PLAT: variants seen among roughly 807,000 people sequenced by gnomAD.
PLAT encodes tissue-type plasminogen activator.
Under a neutral mutation model 74.9 loss-of-function variants are expected in PLAT, and 48 were observed. The observed-to-expected ratio is 0.64, with a 90% confidence interval of 0.51 to 0.82. The LOEUF is 0.82. Among genes scored for constraint, PLAT ranks in the 40% least tolerant of loss-of-function variants. The pLI, the probability that PLAT is intolerant of heterozygous loss-of-function variation, is 0.00. For missense variants in PLAT, 673 were observed against 736.2 expected, an observed-to-expected ratio of 0.91 and a Z score of 0.99; for synonymous variants, 307 against 294.4, an observed-to-expected ratio of 1.04 and a Z score of -0.44.
At chr8:42,205,459 G>A (rs1431185640) in intron 1 of PLAT, among the ~76,000 whole-genome samples, 6 of 152,184 alleles carry the variant, frequency 3.9e-5, no homozygotes, top group Admixed American at 2.0e-4. Flanking sequence ...CCTGGGAGGT[G>A]GAGGTTGCAG....
chr8:42,183,408 G>A (rs1346069725), intron 7 of PLAT, among the ~76,000 whole-genome samples: 1 of 152,154 alleles, frequency 6.6e-6, no homozygotes, highest in African/African-American at 2.4e-5. Context: ...GAGAGTCTGG[G>A]GACATCTTCA....
At chr8:42,200,574 G>T (rs1806089384) in intron 1 of PLAT, among the ~76,000 whole-genome samples, 1 of 151,568 alleles carries the variant, frequency 6.6e-6, no homozygotes, top group Non-Finnish European at 1.5e-5. Flanking sequence ...CTACTTGGGA[G>T]GCTGAGGTGG....
At chr8:42,200,351 C>T (rs1806079927) in intron 1 of PLAT, among the ~76,000 whole-genome samples, 1 of 151,752 alleles carries the variant, frequency 6.6e-6, no homozygotes, top group East Asian at 1.9e-4. Flanking sequence ...TCACCCTCGG[C>T]AACATAGGGA....
intron 12 of PLAT, 49 bp downstream of exon 12, chr8:42,179,877 C>G (rs752174090): frequency 2.7e-6 from 4 of 1,497,908 alleles, no homozygotes; most frequent in African/African-American, 1.4e-5. Context: ...ACCGCAGCCT[C>G]CCCTGCTGTC....
Position 42,187,466 on chromosome 8 carries a change from G to A in PLAT, c.471C>T (p.Ala157=). Residue 157 remains alanine (A), a synonymous_variant, in exon 6 of 14, where the codon GCC becomes GCT. Transcript: ENST00000220809. ...ECTNWNSSAL[A]QKPYSGRRPD... is the part of the protein sequence containing the mutation. ...GCCTCCGCCCGCTGTAGGGCTTCTG[G>A]GCCAACGCGCTGCTGTTCCAGTTGG... is the stretch of plus-strand genomic sequence containing the variant. 2 of 1,607,912 alleles carry A rather than the reference G, an allele frequency of 1.2e-6. No homozygotes were observed. The highest frequency in any genetic ancestry group is 1.7e-6 in the Non-Finnish European group (2 of 1,179,722).
chr8:42,198,071 G>A (rs1217692508), intron 1 of PLAT, among the ~76,000 whole-genome samples: 5 of 152,166 alleles, frequency 3.3e-5, no homozygotes, highest in Admixed American at 6.6e-5. Flanking sequence ...GGTGGTTCAC[G>A]CCTGTAACCC....
At chr8:42,188,894 G>A (rs1465327068) in intron 4 of PLAT, 40 bp downstream of exon 4, 1 of 1,578,642 alleles carries the variant, frequency 6.3e-7, no homozygotes, top group Non-Finnish European at 8.7e-7. Flanking sequence ...TAAAGTGCTG[G>A]GATCACAGGC....
At chr8:42,205,628 A>G (rs1806301441) in intron 1 of PLAT, among the ~76,000 whole-genome samples, 2 of 152,140 alleles carry the variant, frequency 1.3e-5, no homozygotes, top group South Asian at 4.1e-4. Flanking sequence ...GCTGACAAAG[A>G]CTCAGAAGAA....
chr8:42,188,699 G>A (rs1300292889), intron 4 of PLAT, among the ~76,000 whole-genome samples: 2 of 152,148 alleles, frequency 1.3e-5, no homozygotes, highest in East Asian at 1.9e-4. Flanking sequence ...TGGCACAATC[G>A]TAGATTACTG....
At chr8:42,201,239 T>G (rs1806118000) in intron 1 of PLAT, among the ~76,000 whole-genome samples, 1 of 152,230 alleles carries the variant, frequency 6.6e-6, no homozygotes, top group African/African-American at 2.4e-5. Context: ...ACAGCACACA[T>G]TCTGTGTGGG....
chr8:42,183,827 C>T (rs1055454876), intron 7 of PLAT, among the ~76,000 whole-genome samples: 1 of 152,090 alleles, frequency 6.6e-6, no homozygotes, highest in African/African-American at 2.4e-5. Flanking sequence ...TTCAGAGTCA[C>T]AGGCATCACC....
At chr8:42,202,268 C>T (rs928008106) in intron 1 of PLAT, among the ~76,000 whole-genome samples, 4 of 151,662 alleles carry the variant, frequency 2.6e-5, no homozygotes, top group Non-Finnish European at 5.9e-5. Flanking sequence ...CTCCTTGGCT[C>T]AAGCAACCCG....
At chr8:42,183,166 G>A (rs948640829) in intron 7 of PLAT, among the ~76,000 whole-genome samples, 6 of 152,116 alleles carry the variant, frequency 3.9e-5, no homozygotes, top group African/African-American at 9.7e-5. Flanking sequence ...ACCATGCTAC[G>A]CTAATTTTGT....
At chr8:42,202,319 G>C (rs1330357162) in intron 1 of PLAT, among the ~76,000 whole-genome samples, 2 of 152,112 alleles carry the variant, frequency 1.3e-5, no homozygotes, top group African/African-American at 4.8e-5. Context: ...ACAGGCAGGA[G>C]CTGTGTGCCC....
chr8:42,182,913 C>A, intron 7 of PLAT, 23 bp from the exon 8 acceptor site: 1 of 1,595,714 alleles, frequency 6.3e-7, no homozygotes. Flanking sequence ...AATTCTCAAA[C>A]TGAAACAAAA....
intron 1 of PLAT, among the ~76,000 whole-genome samples, chr8:42,204,008 C>T (rs1452810809): frequency 2.9e-4 from 39 of 135,192 alleles, no homozygotes; most frequent in South Asian, 1.2e-3. Context: ...CACACACACA[C>T]ACACACACAC....
chr8:42,187,676 C>T, intron 5 of PLAT, 104 bp from the exon 6 acceptor site: 2 of 1,173,634 alleles, frequency 1.7e-6, no homozygotes, highest in African/African-American at 1.5e-5. Flanking sequence ...CTGATGCAGG[C>T]TGGCTCGGAA....
chr8:42,180,248 CATT>C lies in PLAT; in HGVS notation c.1213_1215del (p.Asn405del), dbSNP rs773145601. 7 of 1,614,098 alleles carry C rather than the reference CATT, an allele frequency of 4.3e-6. No homozygotes were observed. Among genetic ancestry groups the C allele is most frequent in the African/African-American group, 1.3e-5 (1 of 74,948 alleles). ...GGGAATGACGAGCTCTTACCAATGTCATTGTCGTAAGTGTCATCATCGAATTCC... is the reference window on the plus strand; with the variant it reads ...GGGAATGACGAGCTCTTACCAATGTCGTCGTAAGTGTCATCATCGAATTCC... On this transcript the variant is annotated inframe_deletion, in exon 11 of 14. Coordinates refer to ENST00000220809, the MANE Select transcript of PLAT (RefSeq NM_000930.5).
At chr8:42,181,364 G>A (rs2129710613) in intron 9 of PLAT, among the ~76,000 whole-genome samples, 1 of 152,274 alleles carries the variant, frequency 6.6e-6, no homozygotes, top group Non-Finnish European at 1.5e-5. Context: ...CACATCATGA[G>A]CCAGCTCCCC....
Sources: allele counts gnomAD v4.1 joint callset (sites outside exome capture counted in the v4.1 genomes callset), GRCh38; gene constraint gnomAD v4.1.1; transcripts MANE v1.5; gene names NCBI Gene and HGNC (gene_info 2026-07-23, HGNC 2026-07-21).